ASH2L: variants seen among roughly 807,000 people sequenced by gnomAD.
The protein encoded by ASH2L is ASH2 like, histone lysine methyltransferase complex subunit.
In ASH2L, 30 loss-of-function variants were observed where a neutral mutation model predicts 81.1. The ratio of observed to expected loss-of-function variants is 0.37; its 90% CI spans 0.28 to 0.50. The LOEUF (loss-of-function observed/expected upper bound fraction) is 0.50. Among genes scored for constraint, ASH2L ranks in the 20% least tolerant of loss-of-function variants. The probability of loss-of-function intolerance (pLI) is 0.95; values close to 1 mark genes in which losing one functional copy is unlikely to be tolerated. For missense variants in ASH2L, 559 were observed against 792.1 expected (o/e 0.71, Z 3.53); for synonymous variants, 273 against 279.9 (o/e 0.98, Z 0.24).
At chr8:38,119,385 C>G (rs948617827) in intron 9 of ASH2L, 22 bp downstream of exon 9, 2 of 1,481,762 alleles carry the variant, frequency 1.3e-6, no homozygotes, top group East Asian at 2.6e-5. Flanking sequence ...GCCCACCCTG[C>G]CCCCCTCACT....
At chr8:38,118,989 C>T in intron 8 of ASH2L, 1 of 285,362 alleles carries the variant, frequency 3.5e-6, no homozygotes, top group South Asian at 3.7e-5. Context: ...AGAAAGTATA[C>T]CAATAGTTGC....
At chr8:38,115,025 C>A (rs1389045522) in intron 7 of ASH2L, 25 bp downstream of exon 7, 1 of 1,502,122 alleles carries the variant, frequency 6.7e-7, no homozygotes, top group Non-Finnish European at 9.3e-7. Context: ...TTTACATTTT[C>A]TTTTTGATTT....
Position 38,105,592 on chromosome 8 carries a change from C to T in ASH2L, c.42C>T (p.Ala14=), listed in dbSNP as rs1810382276. ...AGAGPGQEAG[A]GPGPGAVANA... ...CAGGACCTGGCCAGGAAGCGGGTGC[C>T]GGGCCTGGCCCAGGAGCGGTCGCAA... The change falls in exon 1 of 16, where the codon GCC becomes GCT. Residue 14 remains alanine (A), a synonymous_variant. Coordinates refer to ENST00000343823, the MANE Select transcript of ASH2L (RefSeq NM_004674.5). 5 of 1,594,376 alleles carry T rather than the reference C, an allele frequency of 3.1e-6. No homozygotes were observed. Among genetic ancestry groups the T allele is most frequent in the Non-Finnish European group, 4.3e-6 (5 of 1,169,930 alleles).
intron 12 of ASH2L, among the ~76,000 whole-genome samples, chr8:38,129,739 C>G (rs1481451419): frequency 6.6e-6 from 1 of 152,186 alleles, no homozygotes; most frequent in Non-Finnish European, 1.5e-5. Context: ...TGGGCTCATG[C>G]AGTCTGTAGT....
intron 6 of ASH2L, 62 bp from the exon 7 acceptor site, chr8:38,114,843 T>G (rs1013480449): frequency 1.8e-6 from 2 of 1,104,986 alleles, no homozygotes; most frequent in Non-Finnish European, 2.7e-6. Context: ...AGTGGTTGAT[T>G]ATTAATTCCA....
intron 3 of ASH2L, among the ~76,000 whole-genome samples, chr8:38,109,816 C>T (rs1489279630): frequency 2.6e-5 from 4 of 152,298 alleles, no homozygotes; most frequent in East Asian, 1.9e-4. Flanking sequence ...CATAGAGATA[C>T]ACCTTAGACT....
chr8:38,137,399 A>AG (rs1223618489), intron 14 of ASH2L: 2 of 150,708 alleles, frequency 1.3e-5, no homozygotes, highest in African/African-American at 2.4e-5. Flanking sequence ...CAAAAAAAAA[A>AG]AAAAAAGAAA....
At position 38,133,441 on chromosome 8, in the gene ASH2L, C is replaced by A. The variant is rs966430692; in HGVS notation, c.1528-13C>A. 12 of 1,581,638 alleles carry A rather than the reference C, an allele frequency of 7.6e-6. No homozygotes were observed. Among genetic ancestry groups the A allele is most frequent in the East Asian group, 4.5e-5 (2 of 44,782 alleles). ...TGCTTTATTGTGCCTTTTTTTCTTT[C>A]TTGGTTTTCAAGGCTTTGATAAAAT... On this transcript the variant is annotated splice_polypyrimidine_tract_variant and intron_variant, in intron 12 of 15. Coordinates refer to ENST00000343823, the MANE Select transcript of ASH2L (RefSeq NM_004674.5).
intron 1 of ASH2L, chr8:38,105,992 G>A (rs1204325636): frequency 1.3e-6 from 2 of 1,531,268 alleles, no homozygotes; most frequent in Admixed American, 2.0e-5. Context: ...CAGGAAGCTG[G>A]TAGCTCACAC....
intron 7 of ASH2L, 68 bp from the exon 8 acceptor site, chr8:38,116,582 T>C (rs1810911885): frequency 2.4e-6 from 3 of 1,233,086 alleles, no homozygotes; most frequent in Non-Finnish European, 2.3e-6. Flanking sequence ...AGAATTTCTC[T>C]TGTTTTATGA....
chr8:38,122,858 C>A (rs1483680331), intron 10 of ASH2L, among the ~76,000 whole-genome samples: 1 of 152,128 alleles, frequency 6.6e-6, no homozygotes, highest in Non-Finnish European at 1.5e-5. Flanking sequence ...ATCCTCCTGC[C>A]TCAGCCTACT....
intron 1 of ASH2L, 127 bp from the exon 2 acceptor site, chr8:38,106,251 G>C: frequency 7.3e-7 from 1 of 1,376,340 alleles, no homozygotes; most frequent in Non-Finnish European, 1.0e-6. Context: ...TCCAGTCTGA[G>C]ATCAGGCTTA....
At chr8:38,118,109 A>G (rs554460303) in intron 8 of ASH2L, among the ~76,000 whole-genome samples, 1 of 152,370 alleles carries the variant, frequency 6.6e-6, no homozygotes, top group South Asian at 2.1e-4. Context: ...TAAACTAGAG[A>G]TGATGACATT....
chr8:38,105,691 C>G lies in ASH2L; in HGVS notation c.141C>G (p.Ile47Met), dbSNP rs752574355. The G allele has an allele frequency of 6.4e-6, 10 of 1,564,508 alleles. No homozygotes were observed. Residue 47 changes from isoleucine (I) to methionine (M), a missense_variant, in exon 1 of 16, where the codon ATC becomes ATG. By Grantham distance (10) the Ile-to-Met change is conservative (BLOSUM62 1). Coordinates refer to ENST00000343823, the MANE Select transcript of ASH2L (RefSeq NM_004674.5). ...AGAAAPPGEGISAAPTVEPSS... is the reference protein window; with the variant it reads ...AGAAAPPGEGMSAAPTVEPSS... ...CAGCCGCTCCTCCTGGAGAGGGGATCTCTGCTGCTCCGACAGTTGAGCCCA... is the reference window on the plus strand; with the variant it reads ...CAGCCGCTCCTCCTGGAGAGGGGATGTCTGCTGCTCCGACAGTTGAGCCCA...
chr8:38,105,526 C>G (rs1212577198), upstream of ASH2L: 10 of 1,528,446 alleles, frequency 6.5e-6, no homozygotes, highest in East Asian at 2.5e-5. Context: ...AGAGTATTCT[C>G]GCGAGAAGTC....
chr8:38,126,608 A>G (rs577122884), intron 10 of ASH2L, among the ~76,000 whole-genome samples: 123 of 152,148 alleles, frequency 8.1e-4, no homozygotes, highest in Admixed American at 1.8e-3. Context: ...TAATCCCAGC[A>G]CTTTGGGAGG....
chr8:38,105,524 C>T, upstream of ASH2L: 2 of 1,526,466 alleles, frequency 1.3e-6, no homozygotes, highest in Non-Finnish European at 1.8e-6. Flanking sequence ...AGAGAGTATT[C>T]TCGCGAGAAG....
chr8:38,130,995 A>C lies in ASH2L; in HGVS notation c.1527+2044A>C, dbSNP rs531739228. 7.9e-5 allele frequency among the ~76,000 whole-genome samples: 12 copies of C among 152,322 alleles called. No individual in the cohort carries two copies. The South Asian group carries it at 2.3e-3, about 29-fold the overall frequency. ...CTGGATTTCTTTGATGCCTTTATTG[A>C]AAATCAGATGTTTGTGTTAAGGAAA... On this transcript the variant is annotated intron_variant, in intron 12 of 15. Transcript: ENST00000343823.
At chr8:38,116,036 G>C (rs749802865) in intron 7 of ASH2L, among the ~76,000 whole-genome samples, 8 of 151,688 alleles carry the variant, frequency 5.3e-5, no homozygotes, top group Non-Finnish European at 1.0e-4. Context: ...AGACCAGCCT[G>C]GCCAACACAG....
Sources: allele counts gnomAD v4.1 joint callset (sites outside exome capture counted in the v4.1 genomes callset), GRCh38; gene constraint gnomAD v4.1.1; transcripts MANE v1.5; gene names NCBI Gene and HGNC (gene_info 2026-07-23, HGNC 2026-07-21).